The following AUTS2 variants were observed in gnomAD, a reference collection of about 807,000 sequenced individuals.
AUTS2 encodes the protein autism susceptibility gene 2 protein.
AUTS2 carries 17 observed loss-of-function variants against 112.4 expected under a neutral mutation model. The ratio of observed to expected loss-of-function variants is 0.15; its 90% CI spans 0.10 to 0.23. The LOEUF is 0.23. Among genes scored for constraint, AUTS2 ranks in the 10% least tolerant of loss-of-function variants. The pLI is 1.00. For missense variants in AUTS2, 1,510 were observed against 1,701.6 expected, an observed-to-expected ratio of 0.89 and a Z score of 1.98; for synonymous variants, 751 against 702.7, an observed-to-expected ratio of 1.07 and a Z score of -1.09.
intron 5 of AUTS2, among the ~76,000 whole-genome samples, chr7:70,486,839 G>A (rs530883191): frequency 6.6e-6 from 1 of 151,792 alleles, no homozygotes; most frequent in African/African-American, 2.4e-5. Flanking sequence ...TGCTGGTGGT[G>A]GTGGTGGTAG....
chr7:69,841,921 C>T (rs1474378019), intron 1 of AUTS2, among the ~76,000 whole-genome samples: 1 of 152,114 alleles, frequency 6.6e-6, no homozygotes, highest in African/African-American at 2.4e-5. Context: ...ATGAAAGTAT[C>T]ATATCTGCAA....
At chr7:70,191,228 C>T (rs551893172) in intron 4 of AUTS2, among the ~76,000 whole-genome samples, 15 of 133,840 alleles carry the variant, frequency 1.1e-4, no homozygotes, top group South Asian at 4.7e-4. Flanking sequence ...AGTGCAGTGG[C>T]GCAATCTCGG....
chr7:69,690,490 C>T (rs973146231), intron 1 of AUTS2, among the ~76,000 whole-genome samples: 5 of 152,186 alleles, frequency 3.3e-5, no homozygotes, highest in Non-Finnish European at 7.3e-5. Flanking sequence ...TGTGAGCAGG[C>T]GCAGAGCGGC....
intron 1 of AUTS2, among the ~76,000 whole-genome samples, chr7:69,867,898 A>G (rs1176832646): frequency 6.6e-6 from 1 of 152,204 alleles, no homozygotes; most frequent in Non-Finnish European, 1.5e-5. Flanking sequence ...TAGATAAACA[A>G]ATAATTATTT....
intron 1 of AUTS2, among the ~76,000 whole-genome samples, chr7:69,642,589 A>G (rs943227660): frequency 6.6e-6 from 1 of 152,176 alleles, no homozygotes; most frequent in Non-Finnish European, 1.5e-5. Flanking sequence ...TGTAACTTTG[A>G]ATAAGTCACT....
At chr7:70,149,234 A>G (rs916737450) in intron 4 of AUTS2, among the ~76,000 whole-genome samples, 1 of 152,038 alleles carries the variant, frequency 6.6e-6, no homozygotes, top group Non-Finnish European at 1.5e-5. Context: ...GTTAAAACCC[A>G]CACACACTCT....
intron 2 of AUTS2, among the ~76,000 whole-genome samples, chr7:70,065,829 T>C (rs946751775): frequency 5.9e-5 from 9 of 152,148 alleles, no homozygotes; most frequent in African/African-American, 1.7e-4. Context: ...CCTCAGCCTC[T>C]TGGGTAGCTA....
At chr7:70,325,713 T>G (rs1201463820) in intron 4 of AUTS2, among the ~76,000 whole-genome samples, 3 of 152,200 alleles carry the variant, frequency 2.0e-5, no homozygotes, top group Admixed American at 6.5e-5. Context: ...TAGTCACCCT[T>G]TCTGCAAGGG....
At chr7:69,891,128 T>C (rs945081486) in intron 1 of AUTS2, among the ~76,000 whole-genome samples, 3 of 152,218 alleles carry the variant, frequency 2.0e-5, no homozygotes, top group African/African-American at 7.2e-5. Context: ...TATGTCCCTT[T>C]ATAATCCCTT....
intron 2 of AUTS2, among the ~76,000 whole-genome samples, chr7:69,911,379 G>A (rs1008284791): frequency 1.3e-5 from 2 of 152,194 alleles, no homozygotes; most frequent in Non-Finnish European, 2.9e-5. Flanking sequence ...CTCCCTAAAG[G>A]GCCGCAGCTC....
intron 2 of AUTS2, among the ~76,000 whole-genome samples, chr7:70,087,307 A>G (rs1428847644): frequency 6.6e-6 from 1 of 151,588 alleles, no homozygotes; most frequent in Non-Finnish European, 1.5e-5. Context: ...ATATTTTTAT[A>G]AAAGTATATT....
chr7:70,455,180 T>C (rs1486545915), intron 5 of AUTS2, among the ~76,000 whole-genome samples: 1 of 152,180 alleles, frequency 6.6e-6, no homozygotes, highest in Non-Finnish European at 1.5e-5. Flanking sequence ...ATGCCCATAA[T>C]GGATGGAGAA....
At chr7:70,622,473 C>G (rs1034619796) in intron 5 of AUTS2, among the ~76,000 whole-genome samples, 2 of 152,140 alleles carry the variant, frequency 1.3e-5, no homozygotes, top group African/African-American at 4.8e-5. Context: ...TACCCAGGCC[C>G]TTGGTTGTCC....
chr7:69,602,040 A>ATGTG (rs6150156), intron 1 of AUTS2, among the ~76,000 whole-genome samples: 215 of 46,226 alleles, frequency 4.7e-3, no homozygotes, highest in Non-Finnish European at 7.5e-3. Flanking sequence ...ATATATATAT[A>ATGTG]TGTGTGTGTG....
At chr7:70,445,292 G>A (rs759729997) in intron 5 of AUTS2, among the ~76,000 whole-genome samples, 2 of 152,100 alleles carry the variant, frequency 1.3e-5, no homozygotes, top group Non-Finnish European at 2.9e-5. Flanking sequence ...TTCCCATGCC[G>A]TGCTGCTTCC....
chr7:70,380,572 A>C (rs539442495), intron 4 of AUTS2, among the ~76,000 whole-genome samples: 1 of 152,352 alleles, frequency 6.6e-6, no homozygotes, highest in Non-Finnish European at 1.5e-5. Context: ...TGCTTCTTGT[A>C]AGGTGGGGAA....
intron 1 of AUTS2, among the ~76,000 whole-genome samples, chr7:69,664,462 T>A (rs1222924276): frequency 6.6e-6 from 1 of 152,216 alleles, no homozygotes; most frequent in African/African-American, 2.4e-5. Context: ...ACTGTTTTAA[T>A]TAAAATTGTT....
intron 2 of AUTS2, among the ~76,000 whole-genome samples, chr7:70,096,108 A>T (rs1366430575): frequency 1.3e-5 from 2 of 152,202 alleles, no homozygotes; most frequent in Admixed American, 6.5e-5. Context: ...ACAAAGTTTC[A>T]CATCAGCAAA....
At chr7:69,637,621 T>C (rs1214920342) in intron 1 of AUTS2, among the ~76,000 whole-genome samples, 2 of 152,234 alleles carry the variant, frequency 1.3e-5, no homozygotes, top group African/African-American at 2.4e-5. Flanking sequence ...TTGTTTTTCG[T>C]AAGGCAGGAT....
Sources: allele counts gnomAD v4.1 joint callset (sites outside exome capture counted in the v4.1 genomes callset), GRCh38; gene constraint gnomAD v4.1.1; transcripts MANE v1.5; gene names NCBI Gene and HGNC (gene_info 2026-07-23, HGNC 2026-07-21).